The following UACA variants were observed in gnomAD, a reference collection of about 807,000 sequenced individuals.
The protein encoded by UACA is uveal autoantigen with coiled-coil domains and ankyrin repeats.
A neutral mutation model predicts 160.5 loss-of-function variants in UACA; 112 were observed. The ratio of observed to expected loss-of-function variants is 0.70; its 90% confidence interval spans 0.60 to 0.82. The LOEUF is 0.82. UACA is among the 40% of genes least tolerant of loss of function. The probability of loss-of-function intolerance (pLI) is 0.00; values close to 1 mark genes in which losing one functional copy is unlikely to be tolerated. For missense variants in UACA, 1,574 were observed against 1,614.6 expected, an observed-to-expected ratio of 0.97 and a Z score of 0.43; for synonymous variants, 557 against 568.4, an observed-to-expected ratio of 0.98 and a Z score of 0.29.
intron 1 of UACA, among the ~76,000 whole-genome samples, chr15:70,715,551 G>C (rs1243028488): frequency 6.6e-6 from 1 of 152,032 alleles, no homozygotes; most frequent in Non-Finnish European, 1.5e-5. Context: ...GGAATTATAA[G>C]GTTATATATA....
upstream of UACA, among the ~76,000 whole-genome samples, chr15:70,765,482 C>G (rs777053506): frequency 6.6e-5 from 10 of 152,174 alleles, no homozygotes; most frequent in Non-Finnish European, 1.2e-4. Flanking sequence ...TGGAAGTGAT[C>G]TCTCCATCCT....
rs796588055 is a variant in UACA at position 70,654,649 on chromosome 15, C to CAAAA, written c.*2403_*2406dup. The CAAAA allele has an allele frequency of 1.5e-5, 2 of 136,778 alleles. No homozygotes were observed. The highest frequency in any genetic ancestry group is 7.3e-5 in the Admixed American group (1 of 13,632). 8.5% of individuals were successfully genotyped at this position (136,778 alleles called of 1,614,324 possible). On this transcript the variant is annotated 3_prime_UTR_variant, in exon 19 of 19. Transcript: ENST00000322954. ...ATATGCTTTTCTGATGGGGAAGTGA[C>CAAAA]AAAAAAAAAAAACTACACAGAACAA...
the UACA span, among the ~76,000 whole-genome samples, chr15:70,776,004 G>A: frequency 6.6e-6 from 1 of 152,124 alleles, no homozygotes; most frequent in Non-Finnish European, 1.5e-5. Context: ...AACAGGTATG[G>A]TTTAGACTCT....
At position 70,763,350 on chromosome 15, in the gene UACA, C is replaced by T; in HGVS notation, c.58G>A (p.Gly20Ser). ...RQDVPGPASS[G>S]AAAASAHAAD... ...CTCACCGCGCTGGCGGCGGCGGCGCCAGACGACGCGGGGCCGGGCACGTCC... is the reference window on the plus strand; with the variant it reads ...CTCACCGCGCTGGCGGCGGCGGCGCTAGACGACGCGGGGCCGGGCACGTCC... The change falls in exon 1 of 19, where the codon GGC (glycine) becomes AGC (serine). Residue 20 changes from glycine to serine, a missense_variant. Transcript: ENST00000322954. 1.5e-6 allele frequency: 2 copies of T among 1,334,684 alleles called. No individual in the cohort carries two copies. The highest frequency in any genetic ancestry group is 1.9e-6 in the Non-Finnish European group (2 of 1,037,326). The allele number at this position is 1,334,684 out of a possible 1,614,324, so 82.7% of individuals were successfully genotyped here.
At chr15:70,775,994 A>G in the UACA span, among the ~76,000 whole-genome samples, 1 of 152,306 alleles carries the variant, frequency 6.6e-6, no homozygotes, top group South Asian at 2.1e-4. Context: ...TTCACAACCA[A>G]ACAGGTATGG....
intron 1 of UACA, among the ~76,000 whole-genome samples, chr15:70,718,324 ATG>A (rs59313425): frequency 0.041 from 2,468 of 60,152 alleles, 75 homozygotes; most frequent in African/African-American, 0.1. Context: ...GAGAGAGAGA[ATG>A]TGTGTGTGTG....
At chr15:70,681,596 C>T (rs1897508493) in intron 9 of UACA, 1 of 151,954 alleles carries the variant, frequency 6.6e-6, no homozygotes, top group African/African-American at 2.4e-5. Flanking sequence ...TCATTTTTCT[C>T]TGATTCTGTG....
Position 70,701,623 on chromosome 15 carries a change from C to T in UACA, c.79-1963G>A, listed in dbSNP as rs181826254. Among the ~76,000 whole-genome samples, 15 of 152,274 alleles carry T rather than the reference C, an allele frequency of 9.9e-5. No homozygotes were observed. The East Asian group carries it at 2.5e-3, about 25-fold the overall frequency. ...TGATTTTCAGTTCTACACCAAGCAC[C>T]ATTTTCAGCTCTGATTCACTGTCAG... is the stretch of plus-strand genomic sequence containing the variant. On this transcript the variant is annotated intron_variant, in intron 1 of 18. Transcript: ENST00000322954.
chr15:70,707,846 C>T (rs1010915485), intron 1 of UACA, among the ~76,000 whole-genome samples: 8 of 152,152 alleles, frequency 5.3e-5, no homozygotes, highest in African/African-American at 9.7e-5. Context: ...AGTCCAACTA[C>T]GATGGAACAC....
intron 1 of UACA, among the ~76,000 whole-genome samples, chr15:70,727,500 A>C (rs1262081945): frequency 6.6e-6 from 1 of 152,220 alleles, no homozygotes; most frequent in African/African-American, 2.4e-5. Flanking sequence ...GTTCTATTTT[A>C]AATAGACATT....
rs2030891362 is a variant in UACA at position 70,763,316 on chromosome 15, A to G, written c.78+14T>C. 7.5e-7 allele frequency: 1 copy of G among 1,324,550 alleles called. No homozygotes were observed. The highest frequency in any genetic ancestry group is 9.7e-7 in the Non-Finnish European group (1 of 1,031,056). The allele number at this position is 1,324,550 out of a possible 1,614,324, so 82.0% of individuals were successfully genotyped here. A position where few individuals can be genotyped will look rare whatever the true frequency, so the allele number is the denominator to read the frequency against. On this transcript the variant is annotated intron_variant, in intron 1 of 18. Transcript: ENST00000322954. ...CGGAGCGGAGCGCCTCGCAGCCCGG[A>G]CCGCGGGACTCACCGCGCTGGCGGC...
chr15:70,658,110 T>A (rs1202000486), intron 18 of UACA, among the ~76,000 whole-genome samples: 1 of 152,024 alleles, frequency 6.6e-6, no homozygotes, highest in Non-Finnish European at 1.5e-5. Flanking sequence ...AAAATTTAAG[T>A]AATTGATTTA....
rs544502749 is a variant in UACA, at chr15:70,678,873, A to G, written c.892-667T>C. 1.1e-4 allele frequency among the ~76,000 whole-genome samples: 16 copies of G among 152,298 alleles called. No homozygotes were observed. The East Asian group carries it at 2.9e-3, about 27-fold the overall frequency. On this transcript the variant is annotated intron_variant, in intron 10 of 18. Coordinates refer to ENST00000322954, the MANE Select transcript of UACA (RefSeq NM_018003.4). ...CAATCAAAATAGAAAATACTTTAAGAAAAAAATCAGATTTAATTTACATTA... is the reference window on the plus strand; with the variant it reads ...CAATCAAAATAGAAAATACTTTAAGGAAAAAATCAGATTTAATTTACATTA...
the UACA span, among the ~76,000 whole-genome samples, chr15:70,772,917 C>T: frequency 2.0e-5 from 3 of 151,852 alleles, no homozygotes; most frequent in South Asian, 4.2e-4. Context: ...GGTGAAACCC[C>T]GTCTCTACTA....
chr15:70,680,237 T>A (rs75038060), intron 9 of UACA, among the ~76,000 whole-genome samples: 1,707 of 152,334 alleles, frequency 0.011, 27 homozygotes, highest in African/African-American at 0.04. Context: ...TGTAACTTAC[T>A]GCTTTGAAAC....
chr15:70,725,464 T>A (rs1899116209), intron 1 of UACA, among the ~76,000 whole-genome samples: 1 of 152,188 alleles, frequency 6.6e-6, no homozygotes, highest in South Asian at 2.1e-4. Flanking sequence ...AAAAGCATAG[T>A]CATTTTAATT....
chr15:70,705,178 C>A (rs549778399), intron 1 of UACA, among the ~76,000 whole-genome samples: 2 of 152,274 alleles, frequency 1.3e-5, no homozygotes, highest in South Asian at 4.2e-4. Context: ...GAGTCCTTCT[C>A]AAGGCATATT....
rs145736790 is a variant in UACA at position 70,673,931 on chromosome 15, G to A, written c.1132-1930C>T. On this transcript the variant is annotated intron_variant, in intron 13 of 18. Coordinates refer to ENST00000322954, the MANE Select transcript of UACA (RefSeq NM_018003.4). Reference sequence around the variant, plus strand: ...AGCTGGAGTGCAGAGGCATGATCTCGGCTCATTGCAGCCTCCACCTCCTGG... The same window carrying A: ...AGCTGGAGTGCAGAGGCATGATCTCAGCTCATTGCAGCCTCCACCTCCTGG... Among the ~76,000 whole-genome samples, 349 of 152,188 alleles carry A rather than the reference G, an allele frequency of 2.3e-3. 2 individuals carry two copies. Among genetic ancestry groups the A allele is most frequent in the African/African-American group, 8.2e-3 (339 of 41,520 alleles).
chr15:70,683,368 A>G (rs150605700), intron 8 of UACA, among the ~76,000 whole-genome samples: 92 of 152,226 alleles, frequency 6.0e-4, no homozygotes, highest in African/African-American at 2.1e-3. Context: ...CTAAAAAAAA[A>G]GAGGGGAAGA....
Sources: gnomAD v4.1 joint callset for allele counts (sites outside exome capture counted in the v4.1 genomes callset) on GRCh38, gnomAD v4.1.1 for gene constraint, MANE v1.5 for transcripts, NCBI Gene and HGNC (gene_info 2026-07-23, HGNC 2026-07-21) for gene names.